PLCL2: variants seen among roughly 807,000 people sequenced by gnomAD.
The protein encoded by PLCL2 is phospholipase C like 2.
In PLCL2, 4 loss-of-function variants were observed where a neutral mutation model predicts 79.6. The observed-to-expected ratio is 0.05, with a 90% CI of 0.02 to 0.11. The LOEUF is 0.11. Among genes scored for constraint, PLCL2 ranks in the 10% least tolerant of loss-of-function variants. The probability of loss-of-function intolerance (pLI) is 1.00; values close to 1 mark genes in which losing one functional copy is unlikely to be tolerated. For missense variants in PLCL2, 895 were observed against 1,291.0 expected (o/e 0.69, Z 4.70); for synonymous variants, 484 against 457.7 (o/e 1.06, Z -0.73).
Position 17,011,008 on chromosome 3 carries a change from T to C in PLCL2, c.1662T>C (p.Tyr554=). Residue 554 remains tyrosine, a synonymous_variant, in exon 2 of 6, where the codon TAT becomes TAC. Transcript: ENST00000615277. This position sits in a 1 kb window ranked among gnomAD's most constrained non-coding sequence, Gnocchi z 7.9. The stretch of plus-strand genomic sequence containing the variant: ...CATCACCCAATGTTGAGGAATCTTA[T>C]CTACCATCCCCAGATGTCCTGAAAG... ...YTTSPNVEES[Y]LPSPDVLKGK... 2 of 1,614,020 alleles carry C rather than the reference T, an allele frequency of 1.2e-6. No individual in the cohort carries two copies. Among genetic ancestry groups the C allele is most frequent in the South Asian group, 1.1e-5 (1 of 91,072 alleles).
At chr3:16,903,596 G>A (rs1222472420) in intron 1 of PLCL2, among the ~76,000 whole-genome samples, 1 of 152,226 alleles carries the variant, frequency 6.6e-6, no homozygotes, top group Admixed American at 6.5e-5. Context: ...GTTCTTGCCA[G>A]TGAAAGTGTG....
chr3:16,947,930 G>A (rs894105632), intron 1 of PLCL2, among the ~76,000 whole-genome samples: 1 of 152,130 alleles, frequency 6.6e-6, no homozygotes, highest in Non-Finnish European at 1.5e-5. Context: ...TTATAAAATA[G>A]CTCATTTGAT....
At chr3:17,084,333 T>C (rs1186175611) in intron 5 of PLCL2, among the ~76,000 whole-genome samples, 1 of 152,200 alleles carries the variant, frequency 6.6e-6, no homozygotes, top group Non-Finnish European at 1.5e-5. Context: ...ACAGATAGGT[T>C]CACTGGTTTC....
At chr3:16,947,696 T>A (rs758957208) in intron 1 of PLCL2, among the ~76,000 whole-genome samples, 4 of 152,314 alleles carry the variant, frequency 2.6e-5, no homozygotes, top group Non-Finnish European at 5.9e-5. Flanking sequence ...TGTTTATAAT[T>A]ACCTCAGTGA....
At chr3:17,003,560 G>T (rs143661620) in intron 1 of PLCL2, among the ~76,000 whole-genome samples, 312 of 152,218 alleles carry the variant, frequency 2.0e-3, no homozygotes, top group African/African-American at 7.2e-3. Context: ...TTCTGGTAGG[G>T]TCAGGGAGAA....
chr3:16,955,804 T>G (rs1410787310), intron 1 of PLCL2, among the ~76,000 whole-genome samples: 1 of 152,084 alleles, frequency 6.6e-6, no homozygotes. Flanking sequence ...TGAATGGGAG[T>G]TCACTCATGA....
At chr3:17,038,869 C>G (rs1356754048) in intron 3 of PLCL2, among the ~76,000 whole-genome samples, 1 of 152,134 alleles carries the variant, frequency 6.6e-6, no homozygotes, top group Non-Finnish European at 1.5e-5. Context: ...GTGTCAAGAC[C>G]TATAATGGTT....
chr3:17,007,079 A>T (rs1409530636), intron 1 of PLCL2, among the ~76,000 whole-genome samples: 1 of 152,232 alleles, frequency 6.6e-6, no homozygotes, highest in Non-Finnish European at 1.5e-5. Flanking sequence ...GTCATCTTTG[A>T]GACACGATAT....
Position 17,076,215 on chromosome 3 carries a change from G to A in PLCL2, c.3204+8150G>A, listed in dbSNP as rs13097797. On this transcript the variant is annotated intron_variant, in intron 5 of 5. Transcript: ENST00000615277. ...GTTTTGTCATTCCAGTAAGTGGATGGGGGTTGAGCATCTTTGTGTGTACGT... is the reference window on the plus strand; with the variant it reads ...GTTTTGTCATTCCAGTAAGTGGATGAGGGTTGAGCATCTTTGTGTGTACGT... Among the ~76,000 whole-genome samples the A allele has an allele frequency of 3.9e-5, 6 of 151,930 alleles. No homozygotes were observed. In the South Asian group the frequency reaches 1.2e-3, roughly 31 times the overall value.
intron 1 of PLCL2, among the ~76,000 whole-genome samples, chr3:16,987,472 A>T (rs1255602779): frequency 6.6e-6 from 1 of 152,154 alleles, no homozygotes; most frequent in Non-Finnish European, 1.5e-5. Context: ...ACAGTGATAG[A>T]TTGTCAGCAG....
intron 1 of PLCL2, among the ~76,000 whole-genome samples, chr3:16,952,659 A>G (rs1368741723): frequency 6.6e-6 from 1 of 152,092 alleles, no homozygotes; most frequent in African/African-American, 2.4e-5. Flanking sequence ...TGAGAAAAAC[A>G]ATACATGTAC....
At chr3:17,041,217 G>T (rs1301608250) in intron 3 of PLCL2, among the ~76,000 whole-genome samples, 1 of 152,076 alleles carries the variant, frequency 6.6e-6, no homozygotes, top group African/African-American at 2.4e-5. Flanking sequence ...TTAATTTATG[G>T]GAATGACTCA....
chr3:17,036,889 G>A (rs540623751), intron 3 of PLCL2, among the ~76,000 whole-genome samples: 1 of 152,288 alleles, frequency 6.6e-6, no homozygotes, highest in African/African-American at 2.4e-5. Flanking sequence ...AGACAGAAGG[G>A]CATGCTAGCT....
intron 4 of PLCL2, among the ~76,000 whole-genome samples, chr3:17,064,761 T>C (rs1470013249): frequency 6.6e-6 from 1 of 152,022 alleles, no homozygotes; most frequent in Non-Finnish European, 1.5e-5. Flanking sequence ...AAACCCCATC[T>C]GTACTAAAAA....
chr3:17,022,829 T>G (rs1575591612), intron 3 of PLCL2, among the ~76,000 whole-genome samples: 1 of 152,232 alleles, frequency 6.6e-6, no homozygotes. Context: ...AAAATGTAAC[T>G]TTCTTACCTC....
chr3:17,007,615 C>T (rs939889411), intron 1 of PLCL2, among the ~76,000 whole-genome samples: 2 of 152,034 alleles, frequency 1.3e-5, no homozygotes, highest in African/African-American at 4.8e-5. Flanking sequence ...GAAAATGATA[C>T]CCATATGATT....
At chr3:16,984,497 CTGTT>C (rs1415989244) in intron 1 of PLCL2, among the ~76,000 whole-genome samples, 11 of 152,210 alleles carry the variant, frequency 7.2e-5, no homozygotes, top group African/African-American at 2.6e-4. Context: ...CAGGATTTAT[CTGTT>C]TGTATTAATC....
chr3:16,896,132 A>G (rs914299643), intron 1 of PLCL2, among the ~76,000 whole-genome samples: 1 of 152,260 alleles, frequency 6.6e-6, no homozygotes, highest in Non-Finnish European at 1.5e-5. Flanking sequence ...TAAATTGTGA[A>G]CATTAATCAA....
chr3:16,957,188 A>G (rs570802245), intron 1 of PLCL2, among the ~76,000 whole-genome samples: 4,037 of 151,402 alleles, frequency 0.027, 186 homozygotes, highest in African/African-American at 0.092. Context: ...TTCCCTCTAC[A>G]CACTGCTTTG....
Sources: allele counts gnomAD v4.1 joint callset (sites outside exome capture counted in the v4.1 genomes callset), GRCh38; gene constraint gnomAD v4.1.1; non-coding constraint Gnocchi (gnomAD v3.1); transcripts MANE v1.5; gene names NCBI Gene and HGNC (gene_info 2026-07-23, HGNC 2026-07-21).